The following DNAH3 variants were observed in gnomAD, a reference collection of about 807,000 sequenced individuals.
The protein encoded by DNAH3 is axonemal beta dynein heavy chain 3.
DNAH3 carries 332 observed loss-of-function variants against 432.5 expected under a neutral mutation model. The ratio of observed to expected loss-of-function variants is 0.77; its 90% CI spans 0.70 to 0.84. The LOEUF (loss-of-function observed/expected upper bound fraction) is 0.84, where lower values mean the gene tolerates loss of function less well. DNAH3 is among the 40% of genes least tolerant of loss of function. The pLI, the probability that DNAH3 is intolerant of heterozygous loss-of-function variation, is 0.00. For synonymous variants in DNAH3, 1,956 were observed against 1,900.2 expected (o/e 1.03, Z -0.76); for missense variants, 4,861 against 5,114.0 (o/e 0.95, Z 1.51).
chr16:21,024,847 G>A lies in DNAH3; in HGVS notation c.5541-146C>T, dbSNP rs1284453103. 2.1e-5 allele frequency: 14 copies of A among 669,788 alleles called. 1 individual carries two copies. Among genetic ancestry groups the A allele is most frequent in the South Asian group, 1.0e-4 (6 of 59,516 alleles). The allele number at this position is 669,788 out of a possible 1,614,324, so 41.5% of individuals were successfully genotyped here. A position where few individuals can be genotyped will look rare whatever the true frequency, so the allele number is the denominator to read the frequency against. On this transcript the variant is annotated intron_variant, in intron 38 of 61. Transcript: ENST00000261383. The stretch of plus-strand genomic sequence containing the variant: ...AACCTAGTCCCCTGGGTTTACCCAC[G>A]TTGAATCTTGTGTTCATCTGCCCCT...
At chr16:21,086,749 A>G in intron 19 of DNAH3, 100 bp downstream of exon 19, 1 of 1,045,236 alleles carries the variant, frequency 9.6e-7, no homozygotes, top group Non-Finnish European at 1.5e-6. Context: ...TCCTTTCGGA[A>G]AGGAGAAGCT....
At chr16:21,031,686 T>G (rs2152724241) in intron 36 of DNAH3, among the ~76,000 whole-genome samples, 1 of 152,222 alleles carries the variant, frequency 6.6e-6, no homozygotes, top group Admixed American at 6.5e-5. Flanking sequence ...TTTCTCACCA[T>G]ACTTTCTTCC....
At chr16:20,985,517 A>G in exon 48 of DNAH3, 2 of 1,614,182 alleles carry the variant, frequency 1.2e-6, no homozygotes, top group South Asian at 1.1e-5. Flanking sequence ...GCAAACCTGA[A>G]CATGACCAGG....
At chr16:21,126,809 C>T (rs947599734) in intron 8 of DNAH3, among the ~76,000 whole-genome samples, 8 of 152,102 alleles carry the variant, frequency 5.3e-5, no homozygotes, top group African/African-American at 1.7e-4. Flanking sequence ...CTCACAGAAG[C>T]GTGAACCCTA....
intron 50 of DNAH3, among the ~76,000 whole-genome samples, chr16:20,978,177 T>C (rs1172651171): frequency 6.6e-6 from 1 of 152,182 alleles, no homozygotes; most frequent in East Asian, 1.9e-4. Context: ...GCTTACTTCA[T>C]CTTCATAACA....
chr16:21,063,789 C>T (rs772690735), intron 24 of DNAH3, among the ~76,000 whole-genome samples: 4 of 152,140 alleles, frequency 2.6e-5, no homozygotes, highest in Admixed American at 2.0e-4. Flanking sequence ...GTGATCCATC[C>T]ACCTCACCTC....
intron 1 of DNAH3, among the ~76,000 whole-genome samples, chr16:21,152,509 C>T (rs1346865581): frequency 6.6e-6 from 1 of 152,262 alleles, no homozygotes; most frequent in Non-Finnish European, 1.5e-5. Context: ...CTTGAGGAGC[C>T]CTTCAGCCCA....
intron 41 of DNAH3, among the ~76,000 whole-genome samples, chr16:21,003,958 G>A (rs1225445888): frequency 6.6e-6 from 1 of 152,004 alleles, no homozygotes; most frequent in East Asian, 1.9e-4. Context: ...ATAAGAAGGG[G>A]ACTCATTGGA....
chr16:21,097,400 A>G (rs2091714608), exon 18 of DNAH3: 2 of 1,614,026 alleles, frequency 1.2e-6, no homozygotes, highest in Non-Finnish European at 1.7e-6. Flanking sequence ...TAGGCTGTCG[A>G]CCACAGCTGC....
At chr16:21,068,200 T>C (rs2090640341) in intron 23 of DNAH3, among the ~76,000 whole-genome samples, 1 of 152,192 alleles carries the variant, frequency 6.6e-6, no homozygotes, top group Non-Finnish European at 1.5e-5. Flanking sequence ...GCACGCCCAG[T>C]GAACTTACCA....
In DNAH3 at chr16:21,136,529, C is replaced by A. The variant is rs760314973; in HGVS notation, c.697-16G>T. On this transcript the variant is annotated splice_polypyrimidine_tract_variant and intron_variant, in intron 5 of 61. Coordinates refer to ENST00000261383, the Ensembl canonical transcript of DNAH3. ...AATAGTATCTCTTCCATAAACAAAC[C>A]ACCAGCGAGAAAATGGTCATGATTG... is the stretch of plus-strand genomic sequence containing the variant. The A allele has an allele frequency of 7.4e-6, 12 of 1,612,740 alleles. No individual in the cohort carries two copies. In the Admixed American group the frequency reaches 1.8e-4, roughly 25 times the overall value.
At chr16:21,077,412 C>A (rs961351591) in intron 20 of DNAH3, among the ~76,000 whole-genome samples, 2 of 152,200 alleles carry the variant, frequency 1.3e-5, no homozygotes, top group African/African-American at 4.8e-5. Flanking sequence ...ATCCGCCCGC[C>A]TCGGCCTCCC....
At chr16:20,953,400 C>A (rs34623766) in intron 55 of DNAH3, among the ~76,000 whole-genome samples, 17 of 152,142 alleles carry the variant, frequency 1.1e-4, no homozygotes, top group South Asian at 2.1e-4. Context: ...CGCAAGTGAT[C>A]CGCCTGCCTC....
chr16:21,016,698 T>C (rs2152706897), intron 41 of DNAH3, among the ~76,000 whole-genome samples: 1 of 152,338 alleles, frequency 6.6e-6, no homozygotes. Flanking sequence ...AAGACAGTAT[T>C]TGTACACCCA....
At chr16:21,065,185 G>T (rs756361938) in intron 24 of DNAH3, among the ~76,000 whole-genome samples, 1 of 151,938 alleles carries the variant, frequency 6.6e-6, no homozygotes, top group Non-Finnish European at 1.5e-5. Context: ...TTTTGAGAGA[G>T]AGTCTCGCTC....
chr16:21,089,215 G>T (rs1411699011), intron 18 of DNAH3, among the ~76,000 whole-genome samples: 4 of 152,142 alleles, frequency 2.6e-5, no homozygotes, highest in Non-Finnish European at 4.4e-5. Flanking sequence ...ATGCTGCTTT[G>T]TCCTGGAACC....
intron 47 of DNAH3, among the ~76,000 whole-genome samples, chr16:20,985,937 C>T (rs2086172698): frequency 6.6e-6 from 1 of 151,636 alleles, no homozygotes; most frequent in South Asian, 2.1e-4. Flanking sequence ...TTCACTGCAA[C>T]CTCTGCCTCC....
At chr16:21,049,635 C>T in exon 31 of DNAH3, 1 of 1,614,192 alleles carries the variant, frequency 6.2e-7, no homozygotes, top group Non-Finnish European at 8.5e-7. Context: ...TGAAGAACTT[C>T]CCCATAGCTT....
intron 1 of DNAH3, among the ~76,000 whole-genome samples, chr16:21,154,221 T>C (rs374872166): frequency 6.6e-6 from 1 of 152,162 alleles, no homozygotes; most frequent in South Asian, 2.1e-4. Flanking sequence ...CTGGCCAACA[T>C]GGTGAAACCC....
Sources: allele counts gnomAD v4.1 joint callset (sites outside exome capture counted in the v4.1 genomes callset), GRCh38; gene constraint gnomAD v4.1.1; transcripts MANE v1.5; gene names NCBI Gene and HGNC (gene_info 2026-07-23, HGNC 2026-07-21).